Variants in VRK2 observed in about 807,000 individuals in gnomAD.
VRK2 encodes serine/threonine-protein kinase VRK2.
In VRK2, 60 loss-of-function variants were observed where a neutral mutation model predicts 57.6. The ratio of observed to expected loss-of-function variants is 1.04; its 90% CI spans 0.85 to 1.29. The LOEUF is 1.29. Ranked by LOEUF, VRK2 falls within the 50% of genes most tolerant of loss-of-function variation. VRK2 has a pLI of 0.00. For missense variants in VRK2, 705 were observed against 588.1 expected, an observed-to-expected ratio of 1.20 and a Z score of -2.06; for synonymous variants, 231 against 199.2, an observed-to-expected ratio of 1.16 and a Z score of -1.35.
At chr2:57,986,192 T>C (rs1287929366) in intron 1 of VRK2, among the ~76,000 whole-genome samples, 1 of 151,868 alleles carries the variant, frequency 6.6e-6, no homozygotes, top group Non-Finnish European at 1.5e-5. Flanking sequence ...TTAACTTGAA[T>C]CAAGTCATCT....
At chr2:58,102,238 C>T (rs1674074138) in intron 7 of VRK2, among the ~76,000 whole-genome samples, 1 of 151,364 alleles carries the variant, frequency 6.6e-6, no homozygotes, top group Non-Finnish European at 1.5e-5. Flanking sequence ...GGAAAAAGCC[C>T]TCACATATTA....
rs190183431 is a variant in VRK2 at position 58,038,974 on chromosome 2, G to A, written c.-6+5421G>A. On this transcript the variant is annotated intron_variant, in intron 3 of 15. Coordinates refer to the VRK2 transcript ENST00000417641. Reference sequence around the variant, plus strand: ...ATCTAAATAAAAACGATTAAATGATGATACATCTACACTATGGAATATTAG... The same window carrying A: ...ATCTAAATAAAAACGATTAAATGATAATACATCTACACTATGGAATATTAG... 1.5e-3 allele frequency among the ~76,000 whole-genome samples: 230 copies of A among 151,770 alleles called. 1 individual carries two copies. The highest frequency in any genetic ancestry group is 4.3e-3 in the African/African-American group (176 of 41,392).
At chr2:58,005,914 G>A (rs1165290811) in intron 1 of VRK2, among the ~76,000 whole-genome samples, 1 of 152,140 alleles carries the variant, frequency 6.6e-6, no homozygotes, top group Non-Finnish European at 1.5e-5. Flanking sequence ...CCTCCTCTAA[G>A]GGGATTGCTG....
intron 7 of VRK2, among the ~76,000 whole-genome samples, chr2:58,119,788 T>C (rs1558660651): frequency 1.3e-5 from 2 of 151,570 alleles, no homozygotes; most frequent in African/African-American, 4.8e-5. Context: ...TTTATATTTA[T>C]ATTTGTATAA....
At chr2:58,126,779 A>G (rs1359103313) in intron 8 of VRK2, among the ~76,000 whole-genome samples, 2 of 152,096 alleles carry the variant, frequency 1.3e-5, no homozygotes, top group Admixed American at 1.3e-4. Flanking sequence ...ACATGTATAA[A>G]CACTGACATA....
intron 1 of VRK2, among the ~76,000 whole-genome samples, chr2:57,996,253 C>T (rs1364422864): frequency 6.6e-6 from 1 of 152,132 alleles, no homozygotes; most frequent in African/African-American, 2.4e-5. Flanking sequence ...GACTATAATG[C>T]CTTAGTGTTA....
chr2:57,957,305 ATAAG>A (rs1671616384), intron 1 of VRK2, among the ~76,000 whole-genome samples: 1 of 152,134 alleles, frequency 6.6e-6, no homozygotes, highest in Non-Finnish European at 1.5e-5. Flanking sequence ...TGAAAAATAA[ATAAG>A]TACCACGTAG....
At chr2:58,155,921 G>GT (rs5831489) in intron 12 of VRK2, among the ~76,000 whole-genome samples, 276 of 138,500 alleles carry the variant, frequency 2.0e-3, no homozygotes, top group East Asian at 0.014. Flanking sequence ...TTTCATGTTT[G>GT]TTTTTTTTTT....
At chr2:57,975,412 C>A (rs748771415) in intron 1 of VRK2, among the ~76,000 whole-genome samples, 14 of 152,060 alleles carry the variant, frequency 9.2e-5, no homozygotes, top group Admixed American at 2.0e-4. Flanking sequence ...CAAATTACCA[C>A]AAACTTTGTG....
At chr2:57,962,554 C>T (rs1409838335) in intron 1 of VRK2, among the ~76,000 whole-genome samples, 2 of 151,974 alleles carry the variant, frequency 1.3e-5, no homozygotes, top group East Asian at 1.9e-4. Flanking sequence ...GGTAGTTTTT[C>T]GATCCTCTCC....
At chr2:57,991,791 CAAA>C (rs1205548555) in intron 1 of VRK2, among the ~76,000 whole-genome samples, 2 of 113,986 alleles carry the variant, frequency 1.8e-5, no homozygotes, top group African/African-American at 3.0e-5. Flanking sequence ...ACTAAAAATA[CAAA>C]AAAAAAAAAA....
At chr2:57,916,684 T>C (rs1216579388) in intron 1 of VRK2, among the ~76,000 whole-genome samples, 2 of 152,152 alleles carry the variant, frequency 1.3e-5, no homozygotes, top group Non-Finnish European at 2.9e-5. Flanking sequence ...GCTAATTAAG[T>C]ATCTTGCCCA....
At chr2:58,023,440 G>T (rs137930592) in intron 1 of VRK2, among the ~76,000 whole-genome samples, 1 of 152,016 alleles carries the variant, frequency 6.6e-6, no homozygotes, top group Non-Finnish European at 1.5e-5. Flanking sequence ...CCCTTTGGTT[G>T]CTTCTTGGCT....
chr2:58,110,900 T>C (rs1317256070), intron 7 of VRK2, among the ~76,000 whole-genome samples: 4 of 152,138 alleles, frequency 2.6e-5, no homozygotes, highest in African/African-American at 9.7e-5. Flanking sequence ...GTAGAAATAG[T>C]CACACCCTCT....
At chr2:58,088,555 G>T (rs1415524809) in intron 6 of VRK2, 109 bp downstream of exon 6, 1 of 876,868 alleles carries the variant, frequency 1.1e-6, no homozygotes, top group Non-Finnish European at 1.9e-6. Context: ...TATTGCCCTA[G>T]AGACATCAGT....
At chr2:58,135,005 AGTT>A (rs1309242690) in intron 9 of VRK2, 133 bp from the exon 10 acceptor site, 17 of 809,710 alleles carry the variant, frequency 2.1e-5, no homozygotes, top group Non-Finnish European at 2.4e-5. Context: ...TATCCATTAT[AGTT>A]GGGTGACAAA....
At position 58,146,388 on chromosome 2, in the gene VRK2, A is replaced by C. The variant is rs1682136327; in HGVS notation, c.1096A>C (p.Ser366Arg). 1.2e-6 allele frequency: 2 copies of C among 1,611,704 alleles called. No individual in the cohort carries two copies. The highest frequency in any genetic ancestry group is 2.7e-5 in the African/African-American group (2 of 74,772). ...TAGGTTAATCGAAAAAAAAGTCCACAGTGAGAGAAGCGCTGAGTCCTGTGC... is the reference window on the plus strand; with the variant it reads ...TAGGTTAATCGAAAAAAAAGTCCACCGTGAGAGAAGCGCTGAGTCCTGTGC... ...HNRLIEKKVH[S>R]ERSAESCATW... The change falls in exon 12 of 13, where the codon AGT becomes CGT. Residue 366 changes from serine to arginine, a missense_variant. Physicochemically the swap from Ser to Arg is moderately radical, Grantham distance 110 (BLOSUM62 -1). Transcript: ENST00000340157.
intron 4 of VRK2, among the ~76,000 whole-genome samples, chr2:58,085,637 T>C (rs923258601): frequency 6.6e-6 from 1 of 152,018 alleles, no homozygotes; most frequent in Admixed American, 6.6e-5. Context: ...GTGATGGGTC[T>C]GACCTCAATA....
At chr2:58,115,151 T>C (rs190077657) in intron 7 of VRK2, among the ~76,000 whole-genome samples, 15 of 152,240 alleles carry the variant, frequency 9.9e-5, no homozygotes, top group African/African-American at 3.1e-4. Context: ...GTGTGGCGAT[T>C]AGGCCTGGTG....
Sources: allele counts gnomAD v4.1 joint callset (sites outside exome capture counted in the v4.1 genomes callset), GRCh38; gene constraint gnomAD v4.1.1; transcripts MANE v1.5; gene names NCBI Gene and HGNC (gene_info 2026-07-23, HGNC 2026-07-21).